TSHR: variants seen among roughly 807,000 people sequenced by gnomAD.
TSHR encodes the protein thyroid stimulating hormone receptor.
In TSHR, 51 loss-of-function variants were observed where a neutral mutation model predicts 64.1. That is an observed-to-expected ratio of 0.80 (90% CI 0.64 to 1.01). The LOEUF is 1.01. Among genes scored for constraint, TSHR ranks in the 50% least tolerant of loss-of-function variants. TSHR has a pLI of 0.00. For missense variants in TSHR, 877 were observed against 942.8 expected (o/e 0.93, Z 0.91); for synonymous variants, 361 against 361.9 (o/e 1.00, Z 0.03).
intron 8 of TSHR, among the ~76,000 whole-genome samples, chr14:81,112,905 A>G (rs779243155): frequency 1.4e-4 from 21 of 152,202 alleles, no homozygotes; most frequent in African/African-American, 2.9e-4. Flanking sequence ...TAAACGGGGG[A>G]AAAAGTAAAA....
chr14:81,119,077 A>G (rs1421815871), intron 8 of TSHR, among the ~76,000 whole-genome samples: 4 of 137,780 alleles, frequency 2.9e-5, no homozygotes, highest in Admixed American at 1.4e-4. Flanking sequence ...TAAAAACCCT[A>G]GAAGAAAACC....
chr14:81,102,787 C>A (rs780123225), intron 7 of TSHR: 78 of 985,110 alleles, frequency 7.9e-5, no homozygotes, highest in Non-Finnish European at 8.8e-5. Context: ...GTGAGGATGA[C>A]CATTGTGTGG....
At chr14:81,076,668 T>C (rs1309586662) in intron 3 of TSHR, among the ~76,000 whole-genome samples, 22 of 152,180 alleles carry the variant, frequency 1.4e-4, no homozygotes, top group Admixed American at 1.4e-3. Flanking sequence ...CATGTCCTGT[T>C]GATTCTACTA....
intron 1 of TSHR, among the ~76,000 whole-genome samples, chr14:80,961,479 A>C (rs1594891920): frequency 6.6e-6 from 1 of 152,220 alleles, no homozygotes; most frequent in East Asian, 1.9e-4. Context: ...TGGAGCAGGT[A>C]GAAGGTGGAG....
At position 81,097,047 on chromosome 14, in the gene TSHR, T is replaced by C. The variant is rs555252628; in HGVS notation, c.614+340T>C. Reference sequence around the variant, plus strand: ...TAAGGTGGTTTCTCTTTTAGTCCTTTCTGACATGTTTTTGGGAAAGATGTC... The same window carrying C: ...TAAGGTGGTTTCTCTTTTAGTCCTTCCTGACATGTTTTTGGGAAAGATGTC... On this transcript the variant is annotated intron_variant, in intron 7 of 9. Transcript: ENST00000298171. 1.4e-4 allele frequency among the ~76,000 whole-genome samples: 22 copies of C among 152,294 alleles called. No homozygotes were observed. In the South Asian group the frequency reaches 4.6e-3, roughly 32 times the overall value.
intron 1 of TSHR, chr14:81,012,891 T>C (rs1889997663): frequency 6.6e-6 from 1 of 152,226 alleles, no homozygotes; most frequent in Admixed American, 6.5e-5. Context: ...TTTTGTAGGT[T>C]GCCTGTTCAC....
chr14:80,968,314 C>T (rs915340612), intron 1 of TSHR, among the ~76,000 whole-genome samples: 1 of 151,888 alleles, frequency 6.6e-6, no homozygotes, highest in Non-Finnish European at 1.5e-5. Context: ...CCAAGCTTTT[C>T]ATTATGTCTA....
intron 8 of TSHR, among the ~76,000 whole-genome samples, chr14:81,130,087 A>G (rs1346093638): frequency 6.6e-6 from 1 of 152,218 alleles, no homozygotes; most frequent in Non-Finnish European, 1.5e-5. Flanking sequence ...AAAACTGATG[A>G]TTGAATATTA....
intron 1 of TSHR, among the ~76,000 whole-genome samples, chr14:81,049,089 C>T (rs1037939063): frequency 6.6e-6 from 1 of 152,120 alleles, no homozygotes; most frequent in Non-Finnish European, 1.5e-5. Flanking sequence ...CTAACCAGGA[C>T]ATTAAGTGAG....
At chr14:81,120,985 A>C (rs1890765993) in intron 8 of TSHR, among the ~76,000 whole-genome samples, 1 of 152,134 alleles carries the variant, frequency 6.6e-6, no homozygotes, top group Non-Finnish European at 1.5e-5. Flanking sequence ...CACTCAGTAG[A>C]GACAGCAAAA....
intron 7 of TSHR, chr14:81,105,077 A>T (rs1383389384): frequency 5.1e-6 from 5 of 985,128 alleles, no homozygotes; most frequent in Non-Finnish European, 6.0e-6. Flanking sequence ...CTTGCAAGGG[A>T]TAGTTTTTAT....
At chr14:81,034,174 G>A (rs1170221084) in intron 1 of TSHR, among the ~76,000 whole-genome samples, 1 of 152,158 alleles carries the variant, frequency 6.6e-6, no homozygotes, top group Non-Finnish European at 1.5e-5. Flanking sequence ...TCCTTGTTAT[G>A]GGTCATGCTC....
chr14:81,104,644 T>G (rs1366381121), intron 7 of TSHR: 6 of 985,324 alleles, frequency 6.1e-6, no homozygotes, highest in African/African-American at 1.7e-5. Flanking sequence ...AGGGCGTACA[T>G]AAACACACAT....
At chr14:81,141,666 T>A (rs1891694048) in intron 9 of TSHR, among the ~76,000 whole-genome samples, 1 of 152,192 alleles carries the variant, frequency 6.6e-6, no homozygotes, top group African/African-American at 2.4e-5. Flanking sequence ...CCTAGCACTT[T>A]GGGAGGCAGA....
chr14:81,109,058 C>T, intron 8 of TSHR: 1 of 1,103,550 alleles, frequency 9.1e-7, no homozygotes, highest in Non-Finnish European at 1.1e-6. Context: ...TTCCTCATTC[C>T]CTTGGTTTTG....
chr14:81,071,997 A>T (rs1887106152), intron 3 of TSHR, among the ~76,000 whole-genome samples: 1 of 152,238 alleles, frequency 6.6e-6, no homozygotes, highest in Admixed American at 6.5e-5. Flanking sequence ...AAACACAATG[A>T]CATGCTTTAT....
chr14:80,966,484 A>G (rs914188840), intron 1 of TSHR, among the ~76,000 whole-genome samples: 1 of 152,168 alleles, frequency 6.6e-6, no homozygotes, highest in African/African-American at 2.4e-5. Context: ...TTTTAAATAA[A>G]TATGTATTGA....
chr14:81,098,320 T>G (rs1889348746), intron 7 of TSHR, among the ~76,000 whole-genome samples: 1 of 151,056 alleles, frequency 6.6e-6, no homozygotes, highest in Non-Finnish European at 1.5e-5. Flanking sequence ...ACAAGCTAGA[T>G]TTTTTCTAGG....
intron 1 of TSHR, among the ~76,000 whole-genome samples, chr14:81,029,809 T>C (rs1884258046): frequency 6.6e-6 from 1 of 152,228 alleles, no homozygotes; most frequent in Non-Finnish European, 1.5e-5. Context: ...CCTTGCCAGT[T>C]GTCTATTACA....
Sources: gnomAD v4.1 joint callset for allele counts (sites outside exome capture counted in the v4.1 genomes callset) on GRCh38, gnomAD v4.1.1 for gene constraint, MANE v1.5 for transcripts, NCBI Gene and HGNC (gene_info 2026-07-23, HGNC 2026-07-21) for gene names.